Variants in TOX observed in about 807,000 individuals in gnomAD.
TOX encodes the protein thymocyte selection associated high mobility group box, also known as thymocyte selection-associated high mobility group box protein TOX.
A neutral mutation model predicts 53.7 loss-of-function variants in TOX; 11 were observed. The ratio of observed to expected loss-of-function variants is 0.20; its 90% CI spans 0.13 to 0.34. The LOEUF is 0.34. Among genes scored for constraint, TOX ranks in the 10% least tolerant of loss-of-function variants. The pLI is 1.00. For synonymous variants in TOX, 225 were observed against 245.3 expected, an observed-to-expected ratio of 0.92 and a Z score of 0.77; for missense variants, 570 against 664.6, an observed-to-expected ratio of 0.86 and a Z score of 1.56.
intron 1 of TOX, among the ~76,000 whole-genome samples, chr8:59,105,245 G>C (rs1215300525): frequency 6.6e-6 from 1 of 152,170 alleles, no homozygotes; most frequent in African/African-American, 2.4e-5. Context: ...ACAGCCTTAA[G>C]TGAGGCAACC....
At chr8:58,842,231 G>T (rs1054853103) in intron 4 of TOX, among the ~76,000 whole-genome samples, 2 of 152,112 alleles carry the variant, frequency 1.3e-5, no homozygotes, top group African/African-American at 2.4e-5. Flanking sequence ...AGCAGACTGG[G>T]GTGAGTCAGC....
rs139409191 is a variant in TOX, at chr8:59,028,083, T to A, written c.103-68075A>T. On this transcript the variant is annotated intron_variant, in intron 1 of 8. Coordinates refer to ENST00000361421, the MANE Select transcript of TOX (RefSeq NM_014729.3). ...TTAGAACTAACTGCATGAATTTGTA[T>A]CTGTTACCACGAATTTGTATAAAAT... Among the ~76,000 whole-genome samples, 565 of 152,340 alleles carry A rather than the reference T, an allele frequency of 3.7e-3. 2 individuals are homozygous for A. Among genetic ancestry groups the A allele is most frequent in the South Asian group, 8.3e-3 (40 of 4,834 alleles).
chr8:58,850,103 C>T (rs1476535731), intron 4 of TOX, among the ~76,000 whole-genome samples: 1 of 152,178 alleles, frequency 6.6e-6, no homozygotes, highest in Admixed American at 6.5e-5. Flanking sequence ...TCATGAGAGG[C>T]TGACTCACTG....
chr8:58,817,500 C>T (rs17292516), intron 6 of TOX, among the ~76,000 whole-genome samples: 1 of 151,874 alleles, frequency 6.6e-6, no homozygotes, highest in Admixed American at 6.6e-5. Flanking sequence ...ATGGGTTAAT[C>T]GAGCCTGTGT....
At chr8:59,011,719 G>GATA (rs940253886) in intron 1 of TOX, among the ~76,000 whole-genome samples, 6 of 151,946 alleles carry the variant, frequency 3.9e-5, no homozygotes, top group South Asian at 2.1e-4. Flanking sequence ...TAATAGTGAT[G>GATA]ATAATAATAA....
At chr8:59,096,691 TAGG>T (rs1804716605) in intron 1 of TOX, among the ~76,000 whole-genome samples, 1 of 152,194 alleles carries the variant, frequency 6.6e-6, no homozygotes, top group African/African-American at 2.4e-5. Context: ...CAGAGTTTCA[TAGG>T]AGGAGAGACT....
At chr8:58,965,526 A>G (rs1025772018) in intron 1 of TOX, among the ~76,000 whole-genome samples, 8 of 152,218 alleles carry the variant, frequency 5.3e-5, no homozygotes, top group Non-Finnish European at 1.5e-5. Flanking sequence ...AGTCAAAAAT[A>G]GAATGTGAAG....
intron 1 of TOX, among the ~76,000 whole-genome samples, chr8:59,085,111 A>G (rs1378663885): frequency 6.6e-6 from 1 of 152,202 alleles, no homozygotes; most frequent in African/African-American, 2.4e-5. Flanking sequence ...TAGATATTAC[A>G]CTATAGCACT....
chr8:58,829,307 C>G (rs1473510869), intron 5 of TOX, among the ~76,000 whole-genome samples: 1 of 152,148 alleles, frequency 6.6e-6, no homozygotes, highest in Non-Finnish European at 1.5e-5. Flanking sequence ...CCCCTGGTTT[C>G]CCTCCAGAAT....
Position 58,808,156 on chromosome 8 carries a change from TG to T in TOX, c.1505del (p.Pro502HisfsTer35). 1 of 1,613,988 alleles carries T rather than the reference TG, an allele frequency of 6.2e-7. No homozygotes were observed. On this transcript the variant is annotated frameshift_variant, in exon 8 of 9. Coordinates refer to ENST00000361421, the MANE Select transcript of TOX (RefSeq NM_014729.3). LOFTEE classifies it high-confidence loss of function. ...AGTCGTTATTCCAGTCCACCGGTTG[TG>T]GGGGAGGATTTCTGCACCCCGAACG... ...YVRSGCRNPP[P>X]QPVDWNNDYC...
Position 58,936,450 on chromosome 8 carries a change from T to C in TOX, c.411+2852A>G, listed in dbSNP as rs191994769. On this transcript the variant is annotated intron_variant, in intron 3 of 8. Transcript: ENST00000361421. ...CTAATTGTTTCATAACTGTTTATGT[T>C]TTCACTGTCCAGAAGGACAGTAGCT... Among the ~76,000 whole-genome samples, 8 of 152,298 alleles carry C rather than the reference T, an allele frequency of 5.3e-5. No homozygotes were observed. The East Asian group carries it at 1.4e-3, about 26-fold the overall frequency.
At chr8:58,856,272 G>A (rs1056265507) in intron 3 of TOX, among the ~76,000 whole-genome samples, 2 of 151,922 alleles carry the variant, frequency 1.3e-5, no homozygotes, top group African/African-American at 4.8e-5. Flanking sequence ...CTTTCTTTAT[G>A]GGACACCACT....
intron 1 of TOX, among the ~76,000 whole-genome samples, chr8:59,023,956 G>C (rs1814187535): frequency 6.6e-6 from 1 of 152,150 alleles, no homozygotes; most frequent in Non-Finnish European, 1.5e-5. Context: ...TGGGCACATG[G>C]AAGAAAAGAG....
intron 1 of TOX, among the ~76,000 whole-genome samples, chr8:59,021,692 T>G (rs1240728999): frequency 6.6e-6 from 1 of 151,844 alleles, no homozygotes; most frequent in Non-Finnish European, 1.5e-5. Flanking sequence ...ACAAGGTGAC[T>G]CCTGTTGTAG....
intron 1 of TOX, among the ~76,000 whole-genome samples, chr8:59,019,188 T>C (rs1262996094): frequency 6.6e-6 from 1 of 152,214 alleles, no homozygotes; most frequent in Non-Finnish European, 1.5e-5. Context: ...TTAAACATTA[T>C]ATAGCATGTT....
intron 1 of TOX, among the ~76,000 whole-genome samples, chr8:59,105,915 C>T (rs965745271): frequency 6.6e-6 from 1 of 151,934 alleles, no homozygotes; most frequent in Non-Finnish European, 1.5e-5. Context: ...CCAAAGTTAC[C>T]TTACAAAGTA....
intron 2 of TOX, among the ~76,000 whole-genome samples, chr8:58,944,880 T>C (rs1029867714): frequency 1.3e-5 from 2 of 152,200 alleles, no homozygotes; most frequent in Admixed American, 1.3e-4. Context: ...AATTTCAGTA[T>C]ATTTGCCATT....
intron 1 of TOX, among the ~76,000 whole-genome samples, chr8:59,086,139 C>G (rs1462303867): frequency 1.3e-5 from 2 of 151,918 alleles, no homozygotes; most frequent in Non-Finnish European, 2.9e-5. Context: ...GTGTGCGCCA[C>G]CATGTCCAGC....
At chr8:58,947,288 G>T (rs2129177217) in intron 2 of TOX, among the ~76,000 whole-genome samples, 2 of 152,094 alleles carry the variant, frequency 1.3e-5, no homozygotes, top group African/African-American at 2.4e-5. Context: ...AGAATTTGAT[G>T]GAGTCATGAA....
Sources: gnomAD v4.1 joint callset for allele counts (sites outside exome capture counted in the v4.1 genomes callset) on GRCh38, gnomAD v4.1.1 for gene constraint, MANE v1.5 for transcripts, NCBI Gene and HGNC (gene_info 2026-07-23, HGNC 2026-07-21) for gene names.